GALK2: variants seen among roughly 807,000 people sequenced by gnomAD.
The protein encoded by GALK2 is galactokinase 2.
In GALK2, 36 loss-of-function variants were observed where a neutral mutation model predicts 52.4. The observed-to-expected ratio is 0.69, with a 90% CI of 0.53 to 0.91. GALK2 has a LOEUF of 0.91. Among genes scored for constraint, GALK2 ranks in the 40% least tolerant of loss-of-function variants. The probability of loss-of-function intolerance (pLI) is 0.00; values close to 1 mark genes in which losing one functional copy is unlikely to be tolerated. For synonymous variants in GALK2, 176 were observed against 199.1 expected, an observed-to-expected ratio of 0.88 and a Z score of 0.98; for missense variants, 579 against 559.1, an observed-to-expected ratio of 1.04 and a Z score of -0.36.
chr15:49,250,008 GC>G (rs895810638), intron 5 of GALK2, among the ~76,000 whole-genome samples: 2 of 152,202 alleles, frequency 1.3e-5, no homozygotes, highest in Non-Finnish European at 2.9e-5. Context: ...TCCCGTACTA[GC>G]CAATGGAAAC....
downstream of GALK2, chr15:49,331,940 T>C: frequency 2.6e-6 from 2 of 776,844 alleles, no homozygotes; most frequent in Non-Finnish European, 4.6e-6. Flanking sequence ...GAATTTAATA[T>C]GCTGGGCATT....
At chr15:49,287,967 A>C (rs958230034) in intron 7 of GALK2, among the ~76,000 whole-genome samples, 1 of 134,196 alleles carries the variant, frequency 7.5e-6, no homozygotes, top group Non-Finnish European at 1.6e-5. Flanking sequence ...CTTTCTCTCC[A>C]TCAGCTTTCA....
chr15:49,176,719 G>A (rs1006264792), intron 1 of GALK2, among the ~76,000 whole-genome samples: 3 of 152,034 alleles, frequency 2.0e-5, no homozygotes, highest in Non-Finnish European at 2.9e-5. Flanking sequence ...GGTAATTACT[G>A]CATTAAATTT....
At chr15:49,271,019 C>A (rs923857601) in intron 5 of GALK2, among the ~76,000 whole-genome samples, 1 of 152,132 alleles carries the variant, frequency 6.6e-6, no homozygotes, top group Admixed American at 6.5e-5. Flanking sequence ...GTTCCTCTAT[C>A]CATGGGAAGG....
downstream of GALK2, among the ~76,000 whole-genome samples, chr15:49,332,145 G>A (rs2038913614): frequency 6.7e-6 from 1 of 149,812 alleles, no homozygotes; most frequent in Non-Finnish European, 1.5e-5. Context: ...CACTTAGCAA[G>A]GAGACAGTCT....
chr15:49,214,010 C>T (rs576819987), intron 2 of GALK2, among the ~76,000 whole-genome samples: 15 of 152,150 alleles, frequency 9.9e-5, no homozygotes, highest in African/African-American at 2.6e-4. Flanking sequence ...GTCCCAGCTA[C>T]TCAGGAGGCT....
intron 5 of GALK2, among the ~76,000 whole-genome samples, chr15:49,241,813 A>G (rs2091109584): frequency 6.6e-6 from 1 of 152,226 alleles, no homozygotes; most frequent in African/African-American, 2.4e-5. Context: ...GAAGGAAAGA[A>G]GATAAAGAGA....
At chr15:49,321,429 G>A (rs1176503479) in intron 9 of GALK2, among the ~76,000 whole-genome samples, 2 of 152,178 alleles carry the variant, frequency 1.3e-5, no homozygotes, top group African/African-American at 4.8e-5. Flanking sequence ...CAATGGAAAT[G>A]CTAGGCAATT....
chr15:49,256,839 C>T (rs1055388386), intron 5 of GALK2, among the ~76,000 whole-genome samples: 1 of 152,048 alleles, frequency 6.6e-6, no homozygotes, highest in African/African-American at 2.4e-5. Flanking sequence ...ATGTTTGGAT[C>T]CCCATAGACT....
intron 3 of GALK2, among the ~76,000 whole-genome samples, chr15:49,355,637 G>A (rs1359395222): frequency 6.6e-6 from 1 of 152,116 alleles, no homozygotes; most frequent in Non-Finnish European, 1.5e-5. Context: ...AAGTGATGGG[G>A]AGAATGGAAC....
intron 5 of GALK2, among the ~76,000 whole-genome samples, chr15:49,250,454 C>G (rs1027315015): frequency 6.6e-6 from 1 of 152,114 alleles, no homozygotes; most frequent in Non-Finnish European, 1.5e-5. Flanking sequence ...TCAACTCTAA[C>G]TTTGTGGTAG....
At chr15:49,217,623 C>T (rs2089485850) in intron 3 of GALK2, among the ~76,000 whole-genome samples, 1 of 152,164 alleles carries the variant, frequency 6.6e-6, no homozygotes, top group Non-Finnish European at 1.5e-5. Context: ...CCAGCAAAGT[C>T]AGGTCTGATG....
At chr15:49,350,379 G>A (rs1314252518) in intron 3 of GALK2, among the ~76,000 whole-genome samples, 1 of 152,142 alleles carries the variant, frequency 6.6e-6, no homozygotes, top group Non-Finnish European at 1.5e-5. Context: ...ATACCTGTGT[G>A]CACATACTTA....
intron 8 of GALK2, among the ~76,000 whole-genome samples, chr15:49,311,485 G>T (rs1001956340): frequency 1.3e-5 from 2 of 152,120 alleles, no homozygotes; most frequent in Non-Finnish European, 2.9e-5. Flanking sequence ...AAAGTACTTT[G>T]TTTCTCTAAA....
At position 49,247,753 on chromosome 15, in the gene GALK2, G is replaced by C. The variant is rs1324814557; in HGVS notation, c.504+8386G>C. ...GTGAACCCATAAGTGTATTTTAACAGTTCTCTGAGCCAGACTTAAAATATG... is the reference window on the plus strand; with the variant it reads ...GTGAACCCATAAGTGTATTTTAACACTTCTCTGAGCCAGACTTAAAATATG... On this transcript the variant is annotated intron_variant, in intron 5 of 9. Coordinates refer to ENST00000560031, the MANE Select transcript of GALK2 (RefSeq NM_002044.4). Among the ~76,000 whole-genome samples, 6 of 152,322 alleles carry C rather than the reference G, an allele frequency of 3.9e-5. No individual in the cohort carries two copies. The East Asian group carries it at 9.6e-4, about 24-fold the overall frequency.
At chr15:49,193,588 T>A (rs1325828407) in intron 1 of GALK2, among the ~76,000 whole-genome samples, 2 of 152,060 alleles carry the variant, frequency 1.3e-5, no homozygotes, top group Non-Finnish European at 2.9e-5. Context: ...TTCTTCTAGT[T>A]TTCTGTAGTT....
At chr15:49,210,975 A>T (rs1214974701) in intron 2 of GALK2, among the ~76,000 whole-genome samples, 1 of 59,232 alleles carries the variant, frequency 1.7e-5, no homozygotes, top group African/African-American at 5.4e-5. Flanking sequence ...ACACACACTC[A>T]CACACACACA....
chr15:49,230,434 G>T (rs1156997355), intron 3 of GALK2, among the ~76,000 whole-genome samples: 1 of 152,174 alleles, frequency 6.6e-6, no homozygotes, highest in East Asian at 1.9e-4. Context: ...GGCTGAGCAG[G>T]CTGCCCTGAT....
intron 1 of GALK2, among the ~76,000 whole-genome samples, chr15:49,182,078 G>C (rs8182081): frequency 0.59 from 89,333 of 151,892 alleles, 26,420 homozygotes; most frequent in Middle Eastern, 0.66. Context: ...CTGTCAAATA[G>C]TAGATCTTAT....
Sources: gnomAD v4.1 joint callset for allele counts (sites outside exome capture counted in the v4.1 genomes callset) on GRCh38, gnomAD v4.1.1 for gene constraint, MANE v1.5 for transcripts, NCBI Gene and HGNC (gene_info 2026-07-23, HGNC 2026-07-21) for gene names.